IQGAP2: variants seen among roughly 807,000 people sequenced by gnomAD.
IQGAP2 encodes IQ motif containing GTPase activating protein 2.
A neutral mutation model predicts 201.3 loss-of-function variants in IQGAP2; 173 were observed. The observed-to-expected ratio is 0.86, with a 90% confidence interval of 0.76 to 0.98. The LOEUF (loss-of-function observed/expected upper bound fraction) is 0.98. Among genes scored for constraint, IQGAP2 ranks in the 50% least tolerant of loss-of-function variants. The probability of loss-of-function intolerance (pLI) is 0.00; values close to 1 mark genes in which losing one functional copy is unlikely to be tolerated. For missense variants in IQGAP2, 1,687 were observed against 1,864.8 expected, an observed-to-expected ratio of 0.90 and a Z score of 1.76; for synonymous variants, 675 against 673.9, an observed-to-expected ratio of 1.00 and a Z score of -0.03.
At chr5:76,544,380 CAGAG>C (rs756457056) in intron 2 of IQGAP2, among the ~76,000 whole-genome samples, 2 of 152,186 alleles carry the variant, frequency 1.3e-5, no homozygotes. Context: ...GGCCACTTGA[CAGAG>C]AGAGCAGTTC....
chr5:76,415,161 A>AT (rs1221678504), intron 1 of IQGAP2, among the ~76,000 whole-genome samples: 1 of 152,354 alleles, frequency 6.6e-6, no homozygotes, highest in African/African-American at 2.4e-5. Context: ...CATATGCCGT[A>AT]TTACCCTTTG....
At chr5:76,576,254 G>T (rs984359903) in intron 5 of IQGAP2, among the ~76,000 whole-genome samples, 1 of 152,152 alleles carries the variant, frequency 6.6e-6, no homozygotes, top group African/African-American at 2.4e-5. Flanking sequence ...AATAGAATTT[G>T]TACCCTAAGG....
At chr5:76,643,357 C>T (rs1751745795) in intron 17 of IQGAP2, among the ~76,000 whole-genome samples, 1 of 152,174 alleles carries the variant, frequency 6.6e-6, no homozygotes. Flanking sequence ...TCAGAAAAAT[C>T]CACAAAAGAT....
At chr5:76,442,936 A>G (rs2150106285) in intron 1 of IQGAP2, among the ~76,000 whole-genome samples, 1 of 152,348 alleles carries the variant, frequency 6.6e-6, no homozygotes, top group East Asian at 1.9e-4. Context: ...GCAATAAGGC[A>G]AGATCGTGCC....
intron 22 of IQGAP2, 114 bp downstream of exon 22, chr5:76,665,289 C>A: frequency 1.1e-6 from 1 of 871,584 alleles, no homozygotes; most frequent in Non-Finnish European, 1.8e-6. Flanking sequence ...ATGTTTTGAG[C>A]ATCTACTAAG....
intron 2 of IQGAP2, among the ~76,000 whole-genome samples, chr5:76,556,987 A>G (rs1478400020): frequency 6.6e-6 from 1 of 152,210 alleles, no homozygotes; most frequent in Non-Finnish European, 1.5e-5. Context: ...TGAGAGAACA[A>G]ATGAAGCCCC....
chr5:76,504,788 C>G (rs189090400), intron 2 of IQGAP2, among the ~76,000 whole-genome samples: 3 of 152,086 alleles, frequency 2.0e-5, no homozygotes, highest in Non-Finnish European at 4.4e-5. Flanking sequence ...GAGTTAATAC[C>G]GTAATCTCTT....
chr5:76,618,710 T>C, intron 13 of IQGAP2: 1 of 1,299,556 alleles, frequency 7.7e-7, no homozygotes, highest in Non-Finnish European at 1.1e-6. Context: ...TTTAATTATT[T>C]GTAAATAATT....
intron 1 of IQGAP2, among the ~76,000 whole-genome samples, chr5:76,447,901 T>C: frequency 6.6e-6 from 1 of 152,244 alleles, no homozygotes; most frequent in East Asian, 1.9e-4. Flanking sequence ...CATGATACTT[T>C]ATGCTAATTG....
rs184951517 is a variant in IQGAP2 at position 76,456,645 on chromosome 5, C to T, written c.47-4925C>T. On this transcript the variant is annotated intron_variant, in intron 1 of 35. Transcript: ENST00000274364. ...TTAAGTTGTGAGAGGGGGCAGATAT[C>T]CTTTTAGGTATTTTCTTCCAGATAA... Among the ~76,000 whole-genome samples, 661 of 152,252 alleles carry T rather than the reference C, an allele frequency of 4.3e-3. 2 individuals carry two copies. Among genetic ancestry groups the T allele is most frequent in the Non-Finnish European group, 7.3e-3 (494 of 68,016 alleles).
chr5:76,610,690 G>A (rs1225389421), intron 12 of IQGAP2, among the ~76,000 whole-genome samples: 1 of 151,956 alleles, frequency 6.6e-6, no homozygotes, highest in Non-Finnish European at 1.5e-5. Flanking sequence ...CATGAACATT[G>A]GCTCTTTTCA....
chr5:76,530,280 A>T (rs1459678222), intron 2 of IQGAP2, among the ~76,000 whole-genome samples: 3 of 152,228 alleles, frequency 2.0e-5, no homozygotes, highest in African/African-American at 7.2e-5. Context: ...CTTGACCCAC[A>T]GGCTGTATGT....
intron 1 of IQGAP2, among the ~76,000 whole-genome samples, chr5:76,408,139 C>A (rs1479308955): frequency 3.3e-5 from 5 of 151,286 alleles, no homozygotes; most frequent in Non-Finnish European, 7.4e-5. Context: ...CCAGCCTGGG[C>A]GAAAGAGCGA....
intron 1 of IQGAP2, among the ~76,000 whole-genome samples, chr5:76,408,100 G>T (rs1206082031): frequency 2.0e-5 from 3 of 152,160 alleles, no homozygotes; most frequent in Non-Finnish European, 4.4e-5. Flanking sequence ...GGCAGAGGTT[G>T]CAATAAGCCG....
chr5:76,699,595 TTCTCTCTGTTTCTCTCTCTCTCTC>T (rs1747080271), intron 33 of IQGAP2: 3 of 140,924 alleles, frequency 2.1e-5, no homozygotes, highest in Admixed American at 1.5e-4. Context: ...TGCTTCAGGC[TTCTCTCTGTTTCTCTCTCTCTCTC>T]TCTCTCTCTC....
In IQGAP2 at chr5:76,403,650, C is replaced by T; in HGVS notation, c.46+59C>T. On this transcript the variant is annotated intron_variant, in intron 1 of 35. Coordinates refer to ENST00000274364, the MANE Select transcript of IQGAP2 (RefSeq NM_006633.5). This position sits in a 1 kb window ranked among gnomAD's most constrained non-coding sequence, Gnocchi z 4.8. The stretch of plus-strand genomic sequence containing the variant: ...CCTTGGGGAGCTCCCTCCCCGAGGA[C>T]GGCGTTGGAGAAGCCGAGGGAGCCG... The T allele has an allele frequency of 7.2e-7, 1 of 1,386,530 alleles. No individual in the cohort carries two copies. Among genetic ancestry groups the T allele is most frequent in the Non-Finnish European group, 9.5e-7 (1 of 1,052,016 alleles). 85.9% of individuals were successfully genotyped at this position (1,386,530 alleles called of 1,614,324 possible).
At chr5:76,493,416 C>G (rs1272348354) in intron 2 of IQGAP2, among the ~76,000 whole-genome samples, 1 of 152,074 alleles carries the variant, frequency 6.6e-6, no homozygotes, top group Non-Finnish European at 1.5e-5. Flanking sequence ...TGATTTCTCA[C>G]CTCTTTGAAG....
At chr5:76,696,722 G>T (rs1746783118) in intron 32 of IQGAP2, among the ~76,000 whole-genome samples, 1 of 152,042 alleles carries the variant, frequency 6.6e-6, no homozygotes, top group Non-Finnish European at 1.5e-5. Flanking sequence ...TCTTTCTTTA[G>T]TTTGGGGGTA....
At chr5:76,552,984 C>A (rs1743665114) in intron 2 of IQGAP2, among the ~76,000 whole-genome samples, 1 of 152,138 alleles carries the variant, frequency 6.6e-6, no homozygotes, top group African/African-American at 2.4e-5. Flanking sequence ...AAATAATTAG[C>A]CTTTCATGTC....
Sources: allele counts gnomAD v4.1 joint callset (sites outside exome capture counted in the v4.1 genomes callset), GRCh38; gene constraint gnomAD v4.1.1; non-coding constraint Gnocchi (gnomAD v3.1); transcripts MANE v1.5; gene names NCBI Gene and HGNC (gene_info 2026-07-23, HGNC 2026-07-21).